DHX29: variants seen among roughly 807,000 people sequenced by gnomAD.
DHX29 encodes ATP-dependent RNA helicase DHX29.
DHX29 carries 79 observed loss-of-function variants against 167.9 expected under a neutral mutation model. That is an observed-to-expected ratio of 0.47 (90% CI 0.39 to 0.57). The LOEUF (loss-of-function observed/expected upper bound fraction) is 0.57. DHX29 is among the 20% of genes least tolerant of loss of function. The pLI, the probability that DHX29 is intolerant of heterozygous loss-of-function variation, is 0.00. For missense variants in DHX29, 1,347 were observed against 1,593.4 expected (o/e 0.85, Z 2.63); for synonymous variants, 530 against 546.0 (o/e 0.97, Z 0.41).
At chr5:55,298,510 C>A in intron 2 of DHX29, 81 bp downstream of exon 2, 1 of 817,870 alleles carries the variant, frequency 1.2e-6, no homozygotes, top group Non-Finnish European at 2.0e-6. Flanking sequence ...CCATCATTTT[C>A]TTACATTTAA....
At chr5:55,289,477 G>GTTA in intron 7 of DHX29, 49 bp from the exon 8 acceptor site, 1 of 1,386,912 alleles carries the variant, frequency 7.2e-7, no homozygotes, top group South Asian at 1.6e-5. Context: ...TAAAAAAATT[G>GTTA]TTATTTTTTA....
At chr5:55,304,390 C>A (rs796433077) in intron 1 of DHX29, among the ~76,000 whole-genome samples, 13 of 149,914 alleles carry the variant, frequency 8.7e-5, no homozygotes, top group African/African-American at 3.2e-4. Flanking sequence ...CAGCTCACTG[C>A]AAGCTCCGCC....
chr5:55,266,227 G>A (rs1187199960), intron 23 of DHX29, among the ~76,000 whole-genome samples: 5 of 149,752 alleles, frequency 3.3e-5, no homozygotes, highest in African/African-American at 1.2e-4. Context: ...TTGAACTCCT[G>A]ACCTCATGAT....
chr5:55,258,601 T>C (rs999718765), intron 26 of DHX29, among the ~76,000 whole-genome samples: 10 of 152,082 alleles, frequency 6.6e-5, no homozygotes, highest in African/African-American at 2.4e-4. Flanking sequence ...CCATTTCAGA[T>C]TTCTCTCTTA....
chr5:55,267,166 A>G lies in DHX29; in HGVS notation c.3497T>C (p.Leu1166Pro). 6.2e-7 allele frequency: 1 copy of G among 1,612,956 alleles called. No homozygotes were observed. The highest frequency in any genetic ancestry group is 8.5e-7 in the Non-Finnish European group (1 of 1,179,284). ...SEITYCRRNF[L>P]NRTSLLTLED... ...TAGGGTTAACAGTGATGTTCTATTA[A>G]GAAAGTTCCTCCGGCAGTATGTGAT... is the stretch of plus-strand genomic sequence containing the variant. The change falls in exon 23 of 27, where the codon CTT (leucine) becomes CCT (proline). Residue 1166 changes from leucine to proline, a missense_variant. This residue lies in a region of DHX29 where 882 missense variants were observed against 1,082.4 expected (regional missense o/e 0.81). Transcript: ENST00000251636.
In DHX29 at chr5:55,272,110, A is replaced by G. The variant is rs1456390716; in HGVS notation, c.2841T>C (p.Asp947=). The change falls in exon 18 of 27, where the codon GAT becomes GAC. Residue 947 remains aspartate (D), a synonymous_variant. Coordinates refer to ENST00000251636, the MANE Select transcript of DHX29 (RefSeq NM_019030.4). ...ITIPDVVFVI[D]TGRTKENKYH... is the part of the protein sequence containing the mutation. Reference sequence around the variant, plus strand: ...ACTTATTTTCTTTTGTTCTTCCAGTATCAATTACAAATACAACATCAGGAA... The same window carrying G: ...ACTTATTTTCTTTTGTTCTTCCAGTGTCAATTACAAATACAACATCAGGAA... The G allele has an allele frequency of 6.3e-7, 1 of 1,583,952 alleles. No individual in the cohort carries two copies. The highest frequency in any genetic ancestry group is 1.8e-5 in the Admixed American group (1 of 55,378).
rs199574256 is a variant in DHX29, at chr5:55,297,397, A to G, written c.263T>C (p.Val88Ala). ...TTGCTCTAGTTTGTTATTAATTACCACCTGTTGAGGCCAAAAAGGTCATAT... is the reference window on the plus strand; with the variant it reads ...TTGCTCTAGTTTGTTATTAATTACCGCCTGTTGAGGCCAAAAAGGTCATAT... ...PANLDKSILKVVINNKLEQRI... is the reference protein window; with the variant it reads ...PANLDKSILKAVINNKLEQRI... Residue 88 changes from valine (V) to alanine (A), a missense_variant and splice_region_variant, in exon 3 of 27, where the codon GTG becomes GCG. Coordinates refer to ENST00000251636, the MANE Select transcript of DHX29 (RefSeq NM_019030.4). The G allele has an allele frequency of 5.7e-5, 73 of 1,274,582 alleles. No individual in the cohort carries two copies. Among genetic ancestry groups the G allele is most frequent in the Non-Finnish European group, 8.1e-5 (71 of 876,870 alleles). The allele number at this position is 1,274,582 out of a possible 1,614,324, so 79.0% of individuals were successfully genotyped here. A position where few individuals can be genotyped will look rare whatever the true frequency, so the allele number is the denominator to read the frequency against.
chr5:55,271,514 T>C (rs2111831608), intron 18 of DHX29, among the ~76,000 whole-genome samples: 1 of 152,278 alleles, frequency 6.6e-6, no homozygotes, highest in East Asian at 1.9e-4. Flanking sequence ...GTGCCTGTAA[T>C]CCCAGCTACT....
At chr5:55,307,284 GA>G in intron 1 of DHX29, 102 bp downstream of exon 1, 2 of 989,330 alleles carry the variant, frequency 2.0e-6, no homozygotes, top group Non-Finnish European at 3.0e-6. Flanking sequence ...TTGGGAAATA[GA>G]AATGTTGGGC....
At position 55,262,619 on chromosome 5, in the gene DHX29, G is replaced by A. The variant is rs778221334; in HGVS notation, c.3828+11C>T. 1.2e-6 allele frequency: 2 copies of A among 1,612,224 alleles called. No individual in the cohort carries two copies. The highest frequency in any genetic ancestry group is 1.7e-5 in the Admixed American group (1 of 59,940). ...GCTCTGAATACTGGAATTTAGGAAT[G>A]AGTACTTCACCTTCTCCTGGTATAA... On this transcript the variant is annotated intron_variant, in intron 24 of 26. Transcript: ENST00000251636.
intron 10 of DHX29, among the ~76,000 whole-genome samples, chr5:55,284,290 T>G (rs1449294963): frequency 6.6e-6 from 1 of 152,254 alleles, no homozygotes; most frequent in Non-Finnish European, 1.5e-5. Context: ...ATATAAAATG[T>G]TAATGAACCA....
At chr5:55,266,567 G>A (rs1488697029) in intron 23 of DHX29, among the ~76,000 whole-genome samples, 1 of 137,930 alleles carries the variant, frequency 7.3e-6, no homozygotes, top group African/African-American at 2.9e-5. Context: ...TTTTTTTAAT[G>A]AAAAACTGAG....
At chr5:55,279,984 C>T (rs1223052767) in intron 12 of DHX29, among the ~76,000 whole-genome samples, 1 of 152,050 alleles carries the variant, frequency 6.6e-6, no homozygotes, top group Non-Finnish European at 1.5e-5. Context: ...GCTGGAAGCA[C>T]ACTAGCAGCC....
chr5:55,299,631 C>G (rs1053467773), intron 1 of DHX29, among the ~76,000 whole-genome samples: 5 of 152,202 alleles, frequency 3.3e-5, no homozygotes, highest in Non-Finnish European at 7.3e-5. Context: ...ACACCAGTCT[C>G]TGCCTCCTCA....
In DHX29 at chr5:55,256,358, C is replaced by A. The variant is rs187726589; in HGVS notation, c.*130G>T. On this transcript the variant is annotated 3_prime_UTR_variant, in exon 27 of 27. Transcript: ENST00000251636. The stretch of plus-strand genomic sequence containing the variant: ...TTTAAAGTATGTGCTTTTTTCCCAC[C>A]ACCTTTAAGTTAATGGCTAGTACCA... The A allele has an allele frequency of 4.5e-6, 3 of 661,336 alleles. No homozygotes were observed. Among genetic ancestry groups the A allele is most frequent in the African/African-American group, 3.8e-5 (2 of 52,906 alleles). The allele number at this position is 661,336 out of a possible 1,614,324, so 41.0% of individuals were successfully genotyped here.
chr5:55,300,720 A>G (rs1323997587), intron 1 of DHX29, among the ~76,000 whole-genome samples: 5 of 152,312 alleles, frequency 3.3e-5, no homozygotes, highest in South Asian at 4.1e-4. Context: ...AACCTGTTCC[A>G]TTAATATAAA....
intron 23 of DHX29, 146 bp from the exon 24 acceptor site, chr5:55,263,078 G>GAA: frequency 3.6e-6 from 2 of 553,214 alleles, no homozygotes; most frequent in Non-Finnish European, 3.1e-6. Flanking sequence ...TTACCTTAGG[G>GAA]AAAAAAAAAA....
rs751942468 is a variant in DHX29, at chr5:55,307,488, T to C, written c.86A>G (p.Glu29Gly). The C allele has an allele frequency of 5.0e-6, 8 of 1,613,470 alleles. No individual in the cohort carries two copies. The African/African-American group carries it at 1.1e-4, about 22-fold the overall frequency. The change falls in exon 1 of 27, where the codon GAG (glutamate) becomes GGG (glycine). Residue 29 changes from glutamate (E) to glycine (G), a missense_variant. By Grantham distance (98) the Glu-to-Gly change is moderately conservative. Coordinates refer to ENST00000251636, the MANE Select transcript of DHX29 (RefSeq NM_019030.4). ...TTGGGCCTCCCCGGCAATTCCAGCC[T>C]CGGCAGATTTGGCTCTGGAAGCAGA... The part of the protein sequence containing the change: ...AVSASRAKSA[E>G]AGIAGEAQSK...
At chr5:55,263,280 T>A (rs1162563126) in intron 23 of DHX29, among the ~76,000 whole-genome samples, 2 of 152,144 alleles carry the variant, frequency 1.3e-5, no homozygotes, top group Non-Finnish European at 2.9e-5. Flanking sequence ...ATGGTCAGCA[T>A]TGAGAAAGAA....
Sources: gnomAD v4.1 joint callset for allele counts (sites outside exome capture counted in the v4.1 genomes callset) on GRCh38, gnomAD v4.1.1 for gene constraint, gnomAD v4.1.1 regional missense constraint, MANE v1.5 for transcripts, NCBI Gene and HGNC (gene_info 2026-07-23, HGNC 2026-07-21) for gene names.